CREB5: variants seen among roughly 807,000 people sequenced by gnomAD.
CREB5 encodes cAMP responsive element binding protein 5, also known as cyclic AMP-responsive element-binding protein 5.
A neutral mutation model predicts 57.1 loss-of-function variants in CREB5; 19 were observed. The observed-to-expected ratio is 0.33, with a 90% confidence interval of 0.23 to 0.49. The LOEUF is 0.49. Among genes scored for constraint, CREB5 ranks in the 20% least tolerant of loss-of-function variants. The probability of loss-of-function intolerance (pLI) is 0.99; values close to 1 mark genes in which losing one functional copy is unlikely to be tolerated. For synonymous variants in CREB5, 238 were observed against 238.3 expected, an observed-to-expected ratio of 1.00 and a Z score of 0.01; for missense variants, 579 against 671.6, an observed-to-expected ratio of 0.86 and a Z score of 1.52.
intron 1 of CREB5, among the ~76,000 whole-genome samples, chr7:28,331,599 A>G (rs1473243549): frequency 6.6e-6 from 1 of 152,030 alleles, no homozygotes; most frequent in Admixed American, 6.6e-5. Flanking sequence ...TGCTTTTAGA[A>G]AGAATTTTGG....
intron 1 of CREB5, among the ~76,000 whole-genome samples, chr7:28,463,186 G>A (rs1790421280): frequency 6.6e-6 from 1 of 151,886 alleles, no homozygotes; most frequent in African/African-American, 2.4e-5. Flanking sequence ...TGAAAAGATT[G>A]TTTTTTTCTT....
At chr7:28,543,578 TAAAAAAAAAAAA>T (rs34533813) in intron 4 of CREB5, among the ~76,000 whole-genome samples, 5 of 92,316 alleles carry the variant, frequency 5.4e-5, no homozygotes, top group Non-Finnish European at 1.1e-4. Context: ...TCATTTTAGG[TAAAAAAAAAAAA>T]AAAAAAAAAA....
chr7:28,477,498 C>T (rs1791126707), intron 1 of CREB5, among the ~76,000 whole-genome samples: 1 of 152,220 alleles, frequency 6.6e-6, no homozygotes, highest in South Asian at 2.1e-4. Context: ...TAAAGAAATC[C>T]TCTTTCCCTT....
At chr7:28,525,354 G>A (rs1463134441) in intron 4 of CREB5, among the ~76,000 whole-genome samples, 1 of 152,134 alleles carries the variant, frequency 6.6e-6, no homozygotes, top group African/African-American at 2.4e-5. Context: ...TAGTGAGATT[G>A]CTGGATCCTA....
chr7:28,393,937 C>T (rs1009737653), intron 1 of CREB5, among the ~76,000 whole-genome samples: 3 of 151,818 alleles, frequency 2.0e-5, no homozygotes, highest in Admixed American at 1.3e-4. Context: ...TAGCCAGGTG[C>T]AGTTGTGCAC....
intron 1 of CREB5, among the ~76,000 whole-genome samples, chr7:28,320,600 A>G (rs955287207): frequency 1.3e-5 from 2 of 152,162 alleles, no homozygotes; most frequent in Non-Finnish European, 2.9e-5. Flanking sequence ...AGATTGTTCT[A>G]TGTTAAGGTT....
At chr7:28,436,921 A>G (rs1788987624) in intron 1 of CREB5, among the ~76,000 whole-genome samples, 1 of 152,144 alleles carries the variant, frequency 6.6e-6, no homozygotes, top group Admixed American at 6.5e-5. Flanking sequence ...TATGCTCTTG[A>G]GGTAACTGAA....
At chr7:28,743,868 A>C (rs1171417960) in intron 7 of CREB5, among the ~76,000 whole-genome samples, 3 of 54,994 alleles carry the variant, frequency 5.5e-5, no homozygotes, top group South Asian at 5.3e-4. Flanking sequence ...TTTTTATTAT[A>C]CTCTAAGTTT....
chr7:28,535,024 C>A (rs994448332), intron 4 of CREB5, among the ~76,000 whole-genome samples: 1 of 141,564 alleles, frequency 7.1e-6, no homozygotes, highest in South Asian at 2.2e-4. Context: ...TGAGGGCTTG[C>A]GGACTGCAGC....
chr7:28,724,144 G>A lies in CREB5; in HGVS notation c.592-78G>A, dbSNP rs1402847131. On this transcript the variant is annotated intron_variant, in intron 6 of 10. Transcript: ENST00000357727. ...TCAAAGAAATACTAAACGATCCATT[G>A]GACAGAAAAGTGCAGCTTTGTCTAA... 1.5e-5 allele frequency: 19 copies of A among 1,231,140 alleles called. 1 individual carries two copies. The Admixed American group carries it at 1.6e-4, about 11-fold the overall frequency. The allele number at this position is 1,231,140 out of a possible 1,614,324, so 76.3% of individuals were successfully genotyped here. A position where few individuals can be genotyped will look rare whatever the true frequency, so the allele number is the denominator to read the frequency against.
intron 1 of CREB5, among the ~76,000 whole-genome samples, chr7:28,301,248 T>A (rs1450816831): frequency 2.0e-5 from 3 of 152,188 alleles, no homozygotes; most frequent in Non-Finnish European, 4.4e-5. Flanking sequence ...GGCAGGGATT[T>A]TCATGCGTTT....
In CREB5 at chr7:28,819,282, T is replaced by C. The variant is rs1420386181; in HGVS notation, c.*3T>C. The C allele has an allele frequency of 5.6e-6, 9 of 1,612,652 alleles. No individual in the cohort carries two copies. Among genetic ancestry groups the C allele is most frequent in the Non-Finnish European group, 6.8e-6 (8 of 1,179,240 alleles). On this transcript the variant is annotated 3_prime_UTR_variant, in exon 11 of 11. Transcript: ENST00000357727. ...CAGACCTGAATCCGATTCTTTAAAA[T>C]GCACCATCAGACCTGGCCTCCAAGA...
chr7:28,670,381 C>T (rs925521648), intron 5 of CREB5, among the ~76,000 whole-genome samples: 9 of 152,292 alleles, frequency 5.9e-5, no homozygotes, highest in Non-Finnish European at 1.3e-4. Context: ...CGGCAGAAAA[C>T]CAAGCTGTGA....
chr7:28,540,402 C>T (rs1409230851), intron 4 of CREB5, among the ~76,000 whole-genome samples: 1 of 152,008 alleles, frequency 6.6e-6, no homozygotes, highest in Non-Finnish European at 1.5e-5. Context: ...TTGAGGAGGG[C>T]AGGGTGGAAG....
At chr7:28,762,282 T>C (rs1176515047) in intron 7 of CREB5, among the ~76,000 whole-genome samples, 1 of 152,232 alleles carries the variant, frequency 6.6e-6, no homozygotes, top group Non-Finnish European at 1.5e-5. Flanking sequence ...AAAGAAATTT[T>C]GTATGGTTAG....
At chr7:28,817,763 TCA>T (rs1583815882) in intron 9 of CREB5, among the ~76,000 whole-genome samples, 1 of 152,182 alleles carries the variant, frequency 6.6e-6, no homozygotes, top group East Asian at 1.9e-4. Flanking sequence ...CTACCTAGGG[TCA>T]CACAGTCAGT....
chr7:28,781,772 T>A (rs1388266694), intron 7 of CREB5, among the ~76,000 whole-genome samples: 2 of 85,964 alleles, frequency 2.3e-5, no homozygotes, highest in Non-Finnish European at 5.1e-5. Flanking sequence ...GTACAAAAAT[T>A]GATTTTTTTT....
intron 5 of CREB5, among the ~76,000 whole-genome samples, chr7:28,667,611 A>G (rs551974859): frequency 1.3e-5 from 2 of 152,074 alleles, no homozygotes; most frequent in Non-Finnish European, 2.9e-5. Context: ...AAGAAAAAAA[A>G]GATGAAACCG....
intron 7 of CREB5, among the ~76,000 whole-genome samples, chr7:28,777,925 T>C (rs1806756675): frequency 6.6e-6 from 1 of 152,226 alleles, no homozygotes; most frequent in Non-Finnish European, 1.5e-5. Flanking sequence ...TTTCTTTTGG[T>C]CTTTTGTCTA....
Sources: allele counts gnomAD v4.1 joint callset (sites outside exome capture counted in the v4.1 genomes callset), GRCh38; gene constraint gnomAD v4.1.1; transcripts MANE v1.5; gene names NCBI Gene and HGNC (gene_info 2026-07-23, HGNC 2026-07-21).